ATL2: variants seen among roughly 807,000 people sequenced by gnomAD.
ATL2 encodes atlastin-2.
Under a neutral mutation model 73.9 loss-of-function variants are expected in ATL2, and 31 were observed. That is an observed-to-expected ratio of 0.42 (90% CI 0.32 to 0.57). The LOEUF (loss-of-function observed/expected upper bound fraction) is 0.57. Among genes scored for constraint, ATL2 ranks in the 20% least tolerant of loss-of-function variants. ATL2 has a pLI of 0.14. For missense variants in ATL2, 738 were observed against 702.6 expected (o/e 1.05, Z -0.57); for synonymous variants, 291 against 237.5 (o/e 1.23, Z -2.07).
intron 1 of ATL2, among the ~76,000 whole-genome samples, chr2:38,351,429 T>A (rs1670329364): frequency 6.6e-6 from 1 of 152,120 alleles, no homozygotes. Context: ...TTTAGCCATA[T>A]ACTGACATAT....
intron 9 of ATL2, among the ~76,000 whole-genome samples, chr2:38,306,061 C>T (rs949995585): frequency 6.6e-6 from 1 of 152,022 alleles, no homozygotes; most frequent in Non-Finnish European, 1.5e-5. Context: ...AAAAAGGAGA[C>T]ATTGCAACTG....
chr2:38,346,018 G>A (rs1421074856), intron 1 of ATL2, among the ~76,000 whole-genome samples: 1 of 152,182 alleles, frequency 6.6e-6, no homozygotes, highest in Non-Finnish European at 1.5e-5. Flanking sequence ...TTTTCCCCTT[G>A]AAATGCCAAA....
At chr2:38,325,902 TGTTTAAAAAAAAA>T (rs1668633353) in intron 2 of ATL2, among the ~76,000 whole-genome samples, 4 of 52,816 alleles carry the variant, frequency 7.6e-5, no homozygotes, top group African/African-American at 4.5e-4. Flanking sequence ...TTTGTTTGTT[TGTTTAAAAAAAAA>T]AAAAAAAAAA....
intron 2 of ATL2, among the ~76,000 whole-genome samples, chr2:38,334,390 T>A (rs1354642065): frequency 1.3e-5 from 2 of 151,870 alleles, no homozygotes; most frequent in African/African-American, 2.4e-5. Context: ...CAATTTTTAT[T>A]TCCTTATTGA....
rs1667639856 is a variant in ATL2 at position 38,309,650 on chromosome 2, C to T, written c.944-144G>A. 5 of 834,442 alleles carry T rather than the reference C, an allele frequency of 6.0e-6. No individual in the cohort carries two copies. The East Asian group carries it at 1.1e-4, about 19-fold the overall frequency. 51.7% of individuals were successfully genotyped at this position (834,442 alleles called of 1,614,324 possible). ...ATTCATTTTTTAAAAAAAAGCTCAT[C>T]CAACATGCCATATCTCATAGGAAAA... On this transcript the variant is annotated intron_variant, in intron 8 of 12. Coordinates refer to ENST00000378954, the MANE Select transcript of ATL2 (RefSeq NM_001135673.4).
intron 6 of ATL2, among the ~76,000 whole-genome samples, chr2:38,313,723 C>G (rs1667879530): frequency 6.6e-6 from 1 of 151,318 alleles, no homozygotes; most frequent in African/African-American, 2.4e-5. Context: ...CATTTTGGGT[C>G]AGTTAATTCT....
At position 38,305,233 on chromosome 2, in the gene ATL2, AACTAAAGAAAGAGG is replaced by A. The variant is rs369748184; in HGVS notation, c.1071+4132_1071+4145del. On this transcript the variant is annotated intron_variant, in intron 9 of 12. Transcript: ENST00000378954. Reference sequence around the variant, plus strand: ...GATATATAAAGCAAGTATTATTAGAAACTAAAGAAAGAGGACCGGGCGCAGTGGCTCATGCCTGT... The same window carrying A: ...GATATATAAAGCAAGTATTATTAGAAACCGGGCGCAGTGGCTCATGCCTGT... Among the ~76,000 whole-genome samples, 63 of 152,342 alleles carry A rather than the reference AACTAAAGAAAGAGG, an allele frequency of 4.1e-4. 3 individuals are homozygous for A. The South Asian group carries it at 7.0e-3, about 17-fold the overall frequency.
intron 9 of ATL2, among the ~76,000 whole-genome samples, chr2:38,301,710 T>C (rs1301923140): frequency 1.3e-5 from 2 of 152,206 alleles, no homozygotes; most frequent in Non-Finnish European, 2.9e-5. Context: ...CACCATGGGC[T>C]ACAGTGCTCT....
chr2:38,362,065 T>C (rs1167528850), intron 1 of ATL2, among the ~76,000 whole-genome samples: 1 of 152,184 alleles, frequency 6.6e-6, no homozygotes, highest in Non-Finnish European at 1.5e-5. Flanking sequence ...GTCCACATAA[T>C]GATGCTTATC....
chr2:38,297,861 A>C (rs950237131), intron 12 of ATL2: 3 of 246,776 alleles, frequency 1.2e-5, no homozygotes, highest in African/African-American at 6.7e-5. Flanking sequence ...CAAAGAAAAA[A>C]ATCATTACAG....
chr2:38,298,086 A>T (rs1666988202), intron 12 of ATL2, 58 bp downstream of exon 12: 1 of 1,481,736 alleles, frequency 6.7e-7, no homozygotes, highest in Non-Finnish European at 9.2e-7. Context: ...ACTGCAAAGG[A>T]TGGAAAGTCA....
chr2:38,304,068 A>G (rs900993700), intron 9 of ATL2, among the ~76,000 whole-genome samples: 1 of 152,206 alleles, frequency 6.6e-6, no homozygotes, highest in Non-Finnish European at 1.5e-5. Context: ...GTTGGAGACC[A>G]GCCTGTTAAA....
At chr2:38,355,440 T>G (rs1310988819) in intron 1 of ATL2, among the ~76,000 whole-genome samples, 5 of 151,938 alleles carry the variant, frequency 3.3e-5, no homozygotes, top group African/African-American at 1.2e-4. Context: ...AGATGTCCTT[T>G]TAATAAAAAG....
chr2:38,377,886 C>T (rs1250903019), upstream of ATL2, among the ~76,000 whole-genome samples: 2 of 151,804 alleles, frequency 1.3e-5, no homozygotes, highest in Non-Finnish European at 2.9e-5. Flanking sequence ...GGTTTGTTTG[C>T]ATTCGCTCCC....
intron 2 of ATL2, among the ~76,000 whole-genome samples, chr2:38,326,452 A>C (rs552767123): frequency 6.6e-6 from 1 of 152,372 alleles, no homozygotes; most frequent in African/African-American, 2.4e-5. Context: ...TAGACTGAAA[A>C]GACAAGGCAA....
intron 1 of ATL2, among the ~76,000 whole-genome samples, chr2:38,355,486 G>C (rs1309702188): frequency 6.6e-6 from 1 of 152,038 alleles, no homozygotes; most frequent in Non-Finnish European, 1.5e-5. Context: ...CAAAGTAAAA[G>C]GGGAAAAGGT....
chr2:38,334,828 A>G (rs1022190890), intron 2 of ATL2, among the ~76,000 whole-genome samples: 1 of 107,668 alleles, frequency 9.3e-6, no homozygotes, highest in African/African-American at 3.1e-5. Context: ...ATAATATTCA[A>G]CATTATAGTT....
chr2:38,366,367 T>A (rs1032379092), intron 1 of ATL2, among the ~76,000 whole-genome samples: 6 of 152,242 alleles, frequency 3.9e-5, no homozygotes, highest in Admixed American at 3.3e-4. Flanking sequence ...TTCCTTTTTT[T>A]ATTAAACATA....
chr2:38,304,530 C>G (rs1188241226), intron 9 of ATL2, among the ~76,000 whole-genome samples: 1 of 152,114 alleles, frequency 6.6e-6, no homozygotes, highest in East Asian at 1.9e-4. Context: ...GTAAACAACT[C>G]ATATCCTGAG....
Sources: gnomAD v4.1 joint callset for allele counts (sites outside exome capture counted in the v4.1 genomes callset) on GRCh38, gnomAD v4.1.1 for gene constraint, MANE v1.5 for transcripts, NCBI Gene and HGNC (gene_info 2026-07-23, HGNC 2026-07-21) for gene names.